The following PCDHGB1 variants were observed in gnomAD, a reference collection of about 807,000 sequenced individuals.
PCDHGB1 encodes protocadherin gamma subfamily B, 1.
Under a neutral mutation model 56.6 loss-of-function variants are expected in PCDHGB1, and 34 were observed. The observed-to-expected ratio is 0.60, with a 90% CI of 0.46 to 0.80. The LOEUF (loss-of-function observed/expected upper bound fraction) is 0.80, where lower values mean the gene tolerates loss of function less well. PCDHGB1 is among the 30% of genes least tolerant of loss of function. PCDHGB1 has a pLI of 0.00. For synonymous variants in PCDHGB1, 561 were observed against 505.9 expected (o/e 1.11, Z -1.46); for missense variants, 1,278 against 1,204.6 (o/e 1.06, Z -0.90).
intron 1 of PCDHGB1, chr5:141,478,111 A>G (rs2099430294): frequency 1.2e-6 from 2 of 1,613,982 alleles, no homozygotes; most frequent in Admixed American, 1.7e-5. Context: ...TCACTGTGTC[A>G]GTAACCGAGG....
chr5:141,355,840 G>T (rs1760009491), intron 1 of PCDHGB1: 1 of 1,612,168 alleles, frequency 6.2e-7, no homozygotes, highest in East Asian at 2.2e-5. Context: ...CGTTCTCACG[G>T]CCTTCGATGG....
intron 1 of PCDHGB1, chr5:141,355,093 G>A (rs1311251938): frequency 1.3e-6 from 2 of 1,483,574 alleles, no homozygotes; most frequent in Non-Finnish European, 1.8e-6. Flanking sequence ...GAAGCCCTGA[G>A]AGCTCTGGCT....
At chr5:141,464,923 A>G (rs544281066) in intron 1 of PCDHGB1, among the ~76,000 whole-genome samples, 3 of 151,406 alleles carry the variant, frequency 2.0e-5, no homozygotes, top group Non-Finnish European at 4.4e-5. Flanking sequence ...ATTTTTTTGT[A>G]GAGATGTGAG....
intron 1 of PCDHGB1, chr5:141,375,404 A>T: frequency 1.2e-6 from 2 of 1,613,912 alleles, no homozygotes; most frequent in South Asian, 1.1e-5. Flanking sequence ...CATCTCTCTA[A>T]ATGTGGCAGA....
chr5:141,457,899 C>CA (rs2098931976), intron 1 of PCDHGB1, among the ~76,000 whole-genome samples: 1 of 148,818 alleles, frequency 6.7e-6, no homozygotes, highest in Admixed American at 6.7e-5. Context: ...ACTGTGTAGA[C>CA]AAGGTGTGAG....
rs1203319140 is a variant in PCDHGB1, at chr5:141,357,321, T to C, written c.2409+4652T>C. 3 of 1,613,998 alleles carry C rather than the reference T, an allele frequency of 1.9e-6. No individual in the cohort carries two copies. In the African/African-American group the frequency reaches 4.0e-5, roughly 22 times the overall value. On this transcript the variant is annotated intron_variant, in intron 1 of 3. Coordinates refer to ENST00000523390, the MANE Select transcript of PCDHGB1 (RefSeq NM_018922.3). ...CTGTCTCCTGCGTCTTCCTGGCTTT[T>C]GTCACGGTGCTGCTAGCACTCAAGC...
intron 1 of PCDHGB1, among the ~76,000 whole-genome samples, chr5:141,447,162 G>A (rs1213550616): frequency 6.6e-6 from 1 of 151,700 alleles, no homozygotes; most frequent in African/African-American, 2.4e-5. Flanking sequence ...TTGTTTAAGC[G>A]GGGTCTTGCT....
rs186109113 is a variant in PCDHGB1, at chr5:141,415,284, G to C, written c.2409+62615G>C. ...TGTACCTGGTGGTAGCGGTGGCCGCGGTCTCCTGCGTCTTCCTGGCCTTCG... is the reference window on the plus strand; with the variant it reads ...TGTACCTGGTGGTAGCGGTGGCCGCCGTCTCCTGCGTCTTCCTGGCCTTCG... On this transcript the variant is annotated intron_variant, in intron 1 of 3. Transcript: ENST00000523390. 4,314 of 1,614,198 alleles carry C rather than the reference G, an allele frequency of 2.7e-3. 11 individuals are homozygous for C. The highest frequency in any genetic ancestry group is 7.3e-3 in the Middle Eastern group (44 of 6,062).
intron 1 of PCDHGB1, chr5:141,404,724 T>C: frequency 6.2e-7 from 1 of 1,613,942 alleles, no homozygotes; most frequent in Non-Finnish European, 8.5e-7. Context: ...GTGACCAAGG[T>C]GGTGGCAGTG....
chr5:141,478,590 A>T, intron 1 of PCDHGB1: 1 of 1,573,342 alleles, frequency 6.4e-7, no homozygotes, highest in South Asian at 1.1e-5. Flanking sequence ...GTGCTTTTTT[A>T]TTCCTACATC....
At chr5:141,495,605 T>G (rs1201224193) in intron 2 of PCDHGB1, among the ~76,000 whole-genome samples, 2 of 152,228 alleles carry the variant, frequency 1.3e-5, no homozygotes, top group African/African-American at 2.4e-5. Context: ...GCTTCCGTCT[T>G]GATTGCTGCA....
chr5:141,419,084 GC>G (rs1218012099), intron 1 of PCDHGB1: 1 of 1,613,802 alleles, frequency 6.2e-7, no homozygotes, highest in African/African-American at 1.3e-5. Flanking sequence ...AACAGATGAG[GC>G]CCTGGATCGG....
In PCDHGB1 at chr5:141,486,853, C is replaced by T. The variant is rs1401626024; in HGVS notation, c.2410-7954C>T. The stretch of plus-strand genomic sequence containing the variant: ...GTCTATTTGTGCTGGACCTCAATGA[C>T]AATGCTCCAGCTGTGCTCCGTCCTC... On this transcript the variant is annotated intron_variant, in intron 1 of 3. Coordinates refer to ENST00000523390, the MANE Select transcript of PCDHGB1 (RefSeq NM_018922.3). This position sits in a 1 kb window ranked among gnomAD's most constrained non-coding sequence, Gnocchi z 5.0. 6.2e-7 allele frequency: 1 copy of T among 1,614,244 alleles called. No individual in the cohort carries two copies. The highest frequency in any genetic ancestry group is 2.2e-5 in the East Asian group (1 of 44,886).
intron 1 of PCDHGB1, among the ~76,000 whole-genome samples, chr5:141,369,595 C>T (rs1362731201): frequency 6.6e-6 from 1 of 152,190 alleles, no homozygotes; most frequent in Non-Finnish European, 1.5e-5. Flanking sequence ...TACTATACTT[C>T]TATTTTATAA....
intron 1 of PCDHGB1, chr5:141,394,953 C>T (rs749925118): frequency 6.2e-7 from 1 of 1,613,886 alleles, no homozygotes; most frequent in Non-Finnish European, 8.5e-7. Context: ...GCTTCTGGGG[C>T]TCAGGCTGAG....
At chr5:141,450,642 A>C (rs2098688710) in intron 1 of PCDHGB1, among the ~76,000 whole-genome samples, 1 of 151,504 alleles carries the variant, frequency 6.6e-6, no homozygotes, top group Non-Finnish European at 1.5e-5. Context: ...GCCTGCCACC[A>C]TGCCTGGCTA....
chr5:141,446,230 G>A (rs548647406), intron 1 of PCDHGB1, among the ~76,000 whole-genome samples: 22 of 152,208 alleles, frequency 1.4e-4, no homozygotes, highest in African/African-American at 4.6e-4. Context: ...GTGTTGCCTG[G>A]CAAGTGGTAG....
intron 1 of PCDHGB1, among the ~76,000 whole-genome samples, chr5:141,472,192 C>A (rs2099274015): frequency 1.3e-5 from 2 of 152,134 alleles, no homozygotes; most frequent in South Asian, 2.1e-4. Context: ...GAATTTGAAT[C>A]TTTTTGACAC....
chr5:141,415,404 C>T, intron 1 of PCDHGB1: 1 of 1,614,238 alleles, frequency 6.2e-7, no homozygotes, highest in Non-Finnish European at 8.5e-7. Context: ...CCGGCTCGCA[C>T]TTTGTGGGCG....
Sources: gnomAD v4.1 joint callset for allele counts (sites outside exome capture counted in the v4.1 genomes callset) on GRCh38, gnomAD v4.1.1 for gene constraint, Gnocchi (gnomAD v3.1) non-coding constraint, MANE v1.5 for transcripts, NCBI Gene and HGNC (gene_info 2026-07-23, HGNC 2026-07-21) for gene names.